ADGRL3: variants seen among roughly 807,000 people sequenced by gnomAD.
The protein encoded by ADGRL3 is calcium-independent alpha-latrotoxin receptor 3.
ADGRL3 carries 62 observed loss-of-function variants against 153.5 expected under a neutral mutation model. The ratio of observed to expected loss-of-function variants is 0.40; its 90% confidence interval spans 0.33 to 0.50. The LOEUF is 0.50. ADGRL3 is among the 20% of genes least tolerant of loss of function. The pLI is 0.47. For synonymous variants in ADGRL3, 710 were observed against 672.5 expected (o/e 1.06, Z -0.86); for missense variants, 1,641 against 1,859.4 (o/e 0.88, Z 2.16).
At chr4:61,995,229 T>C (rs1358432259) in intron 19 of ADGRL3, among the ~76,000 whole-genome samples, 1 of 151,982 alleles carries the variant, frequency 6.6e-6, no homozygotes, top group Non-Finnish European at 1.5e-5. Flanking sequence ...TTAATCCTAT[T>C]GACATACGTA....
chr4:61,596,184 A>C (rs371914593), intron 5 of ADGRL3, among the ~76,000 whole-genome samples: 9 of 152,114 alleles, frequency 5.9e-5, no homozygotes, highest in African/African-American at 1.9e-4. Flanking sequence ...ACAGTTGTTA[A>C]AATGTGCTGT....
chr4:61,963,187 A>T (rs2098994365), intron 17 of ADGRL3, among the ~76,000 whole-genome samples: 1 of 150,996 alleles, frequency 6.6e-6, no homozygotes, highest in Non-Finnish European at 1.5e-5. Flanking sequence ...ATTTAATAAC[A>T]TGCTTTCTTT....
At chr4:61,608,648 A>C (rs891601801) in intron 5 of ADGRL3, among the ~76,000 whole-genome samples, 3 of 152,178 alleles carry the variant, frequency 2.0e-5, no homozygotes, top group Non-Finnish European at 4.4e-5. Context: ...TGAGGAAGTA[A>C]AATTTTCGTC....
At chr4:61,930,049 G>A (rs569375782) in intron 13 of ADGRL3, among the ~76,000 whole-genome samples, 6 of 152,038 alleles carry the variant, frequency 3.9e-5, no homozygotes, top group South Asian at 2.1e-4. Context: ...GGTGACGGGC[G>A]CCTGTAGTCC....
chr4:61,607,996 A>T (rs2099039159), intron 5 of ADGRL3, among the ~76,000 whole-genome samples: 1 of 152,226 alleles, frequency 6.6e-6, no homozygotes, highest in Non-Finnish European at 1.5e-5. Context: ...CACTGTCACC[A>T]TCTTCGCAAA....
chr4:61,225,283 G>T (rs903915608), intron 1 of ADGRL3, among the ~76,000 whole-genome samples: 1 of 152,160 alleles, frequency 6.6e-6, no homozygotes, highest in African/African-American at 2.4e-5. Context: ...TTCCTGGATG[G>T]TACTGTGGGC....
intron 5 of ADGRL3, among the ~76,000 whole-genome samples, chr4:61,627,026 C>T (rs2092873297): frequency 6.6e-6 from 1 of 151,976 alleles, no homozygotes; most frequent in African/African-American, 2.4e-5. Context: ...TATACTTCAT[C>T]AATTCATAAT....
intron 1 of ADGRL3, among the ~76,000 whole-genome samples, chr4:61,234,864 A>G (rs1193715406): frequency 6.6e-6 from 1 of 152,188 alleles, no homozygotes; most frequent in Non-Finnish European, 1.5e-5. Context: ...AGGTTTTGGC[A>G]GTGTGCAAAT....
At chr4:62,056,512 C>A (rs538510325) in intron 25 of ADGRL3, among the ~76,000 whole-genome samples, 1 of 151,932 alleles carries the variant, frequency 6.6e-6, no homozygotes, top group Non-Finnish European at 1.5e-5. Flanking sequence ...TTAAGGATTT[C>A]CCAACTTCAT....
intron 1 of ADGRL3, among the ~76,000 whole-genome samples, chr4:61,303,473 T>C (rs183826835): frequency 1.4e-3 from 211 of 152,248 alleles, no homozygotes; most frequent in Non-Finnish European, 2.4e-3. Flanking sequence ...TTTTTTTTCT[T>C]CACTAACAAA....
Position 61,716,868 on chromosome 4 carries a change from T to A in ADGRL3, c.584-13754T>A, listed in dbSNP as rs564881874. On this transcript the variant is annotated intron_variant, in intron 6 of 26. Coordinates refer to ENST00000683033, the MANE Select transcript of ADGRL3 (RefSeq NM_001387552.1). The stretch of plus-strand genomic sequence containing the variant: ...TGCAGCACACCAGGATTTTATACTG[T>A]CTTTCCTTTTATTATGTAGGCTTTT... Among the ~76,000 whole-genome samples, 17 of 152,232 alleles carry A rather than the reference T, an allele frequency of 1.1e-4. 1 individual carries two copies. In the South Asian group the frequency reaches 3.1e-3, roughly 28 times the overall value.
At chr4:61,790,691 A>G (rs1481341082) in intron 8 of ADGRL3, among the ~76,000 whole-genome samples, 3 of 152,192 alleles carry the variant, frequency 2.0e-5, no homozygotes, top group Non-Finnish European at 4.4e-5. Context: ...TAGGTTCTGT[A>G]TTAGACTGTT....
rs1251666208 is a variant in ADGRL3, at chr4:62,075,393, A to G, written c.*4485A>G. The G allele has an allele frequency of 6.6e-6, 1 of 152,176 alleles. No individual in the cohort carries two copies. The highest frequency in any genetic ancestry group is 2.4e-5 in the African/African-American group (1 of 41,452). The allele number at this position is 152,176 out of a possible 1,614,324, so 9.4% of individuals were successfully genotyped here. On this transcript the variant is annotated 3_prime_UTR_variant, in exon 27 of 27. Transcript: ENST00000683033. ...GGAAAAAAACCAACACTACAGAAGT[A>G]TAATGCATGTCAATTCAGATTTAGA...
At chr4:61,864,231 A>G (rs1480800992) in intron 9 of ADGRL3, among the ~76,000 whole-genome samples, 1 of 152,194 alleles carries the variant, frequency 6.6e-6, no homozygotes, top group African/African-American at 2.4e-5. Flanking sequence ...TTATTCATTA[A>G]TGATTGCCAT....
intron 4 of ADGRL3, among the ~76,000 whole-genome samples, chr4:61,543,483 G>C (rs911289139): frequency 4.6e-5 from 7 of 152,190 alleles, no homozygotes; most frequent in African/African-American, 1.7e-4. Context: ...GCTGATTTTA[G>C]CCCGGAGAGA....
chr4:61,249,008 T>C (rs1758153620), intron 1 of ADGRL3, among the ~76,000 whole-genome samples: 1 of 152,182 alleles, frequency 6.6e-6, no homozygotes, highest in South Asian at 2.1e-4. Context: ...TTCCTTTTCT[T>C]GCTAAGCTTG....
intron 4 of ADGRL3, among the ~76,000 whole-genome samples, chr4:61,577,539 G>C (rs764074701): frequency 4.6e-5 from 7 of 151,932 alleles, no homozygotes; most frequent in Non-Finnish European, 1.0e-4. Flanking sequence ...GGCCAGATGA[G>C]GTGGCTTGCC....
chr4:61,597,709 T>C (rs1227454111), intron 5 of ADGRL3, among the ~76,000 whole-genome samples: 1 of 149,332 alleles, frequency 6.7e-6, no homozygotes, highest in Non-Finnish European at 1.5e-5. Context: ...CACCAAAGCC[T>C]GGATATATGG....
At position 61,504,351 on chromosome 4, in the gene ADGRL3, A is replaced by G. The variant is rs335287; in HGVS notation, c.55+7003A>G. On this transcript the variant is annotated intron_variant, in intron 3 of 26. Coordinates refer to ENST00000683033, the MANE Select transcript of ADGRL3 (RefSeq NM_001387552.1). ...TAGTTCATTCATTCAGAATTTTTTT[A>G]AAAAAATAATTTTTAATCATTATGG... 4.4e-3 allele frequency among the ~76,000 whole-genome samples: 670 copies of G among 151,866 alleles called. 7 individuals are homozygous for G. The highest frequency in any genetic ancestry group is 0.015 in the African/African-American group (640 of 41,422).
Sources: gnomAD v4.1 joint callset for allele counts (sites outside exome capture counted in the v4.1 genomes callset) on GRCh38, gnomAD v4.1.1 for gene constraint, MANE v1.5 for transcripts, NCBI Gene and HGNC (gene_info 2026-07-23, HGNC 2026-07-21) for gene names.